The following COBL variants were observed in gnomAD, a reference collection of about 807,000 sequenced individuals.
COBL encodes the protein cordon-bleu WH2 repeat protein.
A neutral mutation model predicts 98.8 loss-of-function variants in COBL; 51 were observed. The observed-to-expected ratio is 0.52, with a 90% CI of 0.41 to 0.65. COBL has a LOEUF of 0.65. COBL is among the 30% of genes least tolerant of loss of function. COBL has a pLI of 0.00. For synonymous variants in COBL, 634 were observed against 651.7 expected, an observed-to-expected ratio of 0.97 and a Z score of 0.41; for missense variants, 1,617 against 1,617.5, an observed-to-expected ratio of 1.00 and a Z score of 0.01.
intron 2 of COBL, among the ~76,000 whole-genome samples, chr7:51,208,864 A>G (rs1026189607): frequency 1.3e-5 from 2 of 151,894 alleles, no homozygotes; most frequent in Admixed American, 6.6e-5. Flanking sequence ...TTGAAGGCAG[A>G]GTCATCACCA....
intron 6 of COBL, among the ~76,000 whole-genome samples, chr7:51,117,274 G>A (rs922475955): frequency 1.3e-5 from 2 of 151,406 alleles, no homozygotes; most frequent in African/African-American, 4.9e-5. Context: ...AAAACTTTTG[G>A]CCCTTGTTTT....
At chr7:51,283,403 A>T (rs1799979883) in intron 1 of COBL, among the ~76,000 whole-genome samples, 1 of 152,240 alleles carries the variant, frequency 6.6e-6, no homozygotes, top group Non-Finnish European at 1.5e-5. Context: ...ATTTCTCAAA[A>T]ATCACTACCA....
At chr7:51,315,101 T>C (rs1803412490) in intron 1 of COBL, among the ~76,000 whole-genome samples, 1 of 152,216 alleles carries the variant, frequency 6.6e-6, no homozygotes, top group African/African-American at 2.4e-5. Context: ...GCTCATTTAA[T>C]AGGCTATGAA....
At chr7:51,034,193 C>G (rs569194939) in intron 8 of COBL, 1 of 152,674 alleles carries the variant, frequency 6.5e-6, no homozygotes, top group African/African-American at 2.4e-5. Context: ...CACCTCTGCT[C>G]CAGCTTTGCT....
At chr7:51,186,116 A>G (rs1283955592) in intron 4 of COBL, among the ~76,000 whole-genome samples, 1 of 152,270 alleles carries the variant, frequency 6.6e-6, no homozygotes, top group East Asian at 1.9e-4. Context: ...GTACAGAGCT[A>G]TAAAGAGGAA....
rs1786124157 is a variant in COBL, at chr7:51,156,284, T to G, written c.784-19953A>C. ...ATTTTTCTTGTTGTGGTTCTTTTCC[T>G]CTTTTTTATCTCCCCATGATGTCCA... On this transcript the variant is annotated intron_variant, in intron 5 of 12. Transcript: ENST00000265136. The G allele has an allele frequency of 6.1e-6, 6 of 985,178 alleles. No homozygotes were observed. In the South Asian group the frequency reaches 2.8e-4, roughly 46 times the overall value. 61.0% of individuals were successfully genotyped at this position (985,178 alleles called of 1,614,324 possible).
intron 12 of COBL, among the ~76,000 whole-genome samples, chr7:51,020,564 T>C (rs956839105): frequency 2.6e-5 from 4 of 152,220 alleles, no homozygotes; most frequent in African/African-American, 9.6e-5. Context: ...CCTTCTGAAA[T>C]AATGCATTTA....
intron 9 of COBL, 83 bp from the exon 10 acceptor site, chr7:51,029,674 T>C (rs1787964972): frequency 8.3e-7 from 1 of 1,199,366 alleles, no homozygotes; most frequent in Non-Finnish European, 1.2e-6. Flanking sequence ...TTGATTTCCC[T>C]GAGGTTACTT....
intron 7 of COBL, among the ~76,000 whole-genome samples, chr7:51,082,467 C>G (rs1472713359): frequency 6.6e-6 from 1 of 152,178 alleles, no homozygotes; most frequent in Non-Finnish European, 1.5e-5. Flanking sequence ...CAAAGAGAGC[C>G]CCATCTCAAA....
intron 7 of COBL, among the ~76,000 whole-genome samples, chr7:51,060,768 A>G (rs1791271339): frequency 6.6e-6 from 1 of 152,216 alleles, no homozygotes; most frequent in Non-Finnish European, 1.5e-5. Context: ...AGGGGGCACA[A>G]CAATGATTCC....
chr7:51,140,454 A>G (rs910386584), intron 5 of COBL, among the ~76,000 whole-genome samples: 4 of 152,244 alleles, frequency 2.6e-5, no homozygotes, highest in Admixed American at 1.3e-4. Flanking sequence ...CCAGCTCAAA[A>G]TAAAACCAGT....
intron 1 of COBL, among the ~76,000 whole-genome samples, chr7:51,233,653 G>A (rs1027061959): frequency 2.6e-5 from 4 of 152,154 alleles, no homozygotes; most frequent in Non-Finnish European, 5.9e-5. Context: ...TCTCCACACA[G>A]CGCATAACTG....
intron 5 of COBL, among the ~76,000 whole-genome samples, chr7:51,149,600 T>C (rs1020631594): frequency 6.6e-5 from 10 of 152,186 alleles, no homozygotes; most frequent in Non-Finnish European, 1.5e-4. Flanking sequence ...TCTCAGAATG[T>C]CTTTTTGTTT....
intron 1 of COBL, among the ~76,000 whole-genome samples, chr7:51,262,271 C>T (rs977587888): frequency 1.5e-4 from 23 of 152,246 alleles, no homozygotes; most frequent in African/African-American, 5.3e-4. Flanking sequence ...ACCTGGGAAC[C>T]CCAATGTCTC....
intron 6 of COBL, among the ~76,000 whole-genome samples, chr7:51,109,784 G>A (rs1796657885): frequency 6.6e-6 from 1 of 152,172 alleles, no homozygotes; most frequent in Admixed American, 6.5e-5. Flanking sequence ...CTCGTGAGGG[G>A]AAGACAGAAA....
intron 5 of COBL, among the ~76,000 whole-genome samples, chr7:51,153,488 C>A (rs1015453573): frequency 2.3e-4 from 35 of 152,206 alleles, no homozygotes; most frequent in Non-Finnish European, 7.3e-5. Flanking sequence ...AAGCTGCCTG[C>A]AGGTATGTGT....
intron 2 of COBL, among the ~76,000 whole-genome samples, chr7:51,201,497 T>C (rs76914529): frequency 0.023 from 3,472 of 152,210 alleles, 59 homozygotes; most frequent in Non-Finnish European, 0.035. Context: ...AGCAATACAA[T>C]AATAATACAA....
intron 6 of COBL, among the ~76,000 whole-genome samples, chr7:51,110,892 A>G (rs929603495): frequency 6.6e-6 from 1 of 152,242 alleles, no homozygotes; most frequent in Non-Finnish European, 1.5e-5. Context: ...ACTGCATAGT[A>G]TTCCATCATA....
At chr7:51,043,865 C>T (rs1789440778) in intron 7 of COBL, among the ~76,000 whole-genome samples, 173 bp from the exon 8 acceptor site, 1 of 152,210 alleles carries the variant, frequency 6.6e-6, no homozygotes, top group Non-Finnish European at 1.5e-5. Context: ...CATTTTAACT[C>T]ACAGGGAGTC....
Sources: allele counts gnomAD v4.1 joint callset (sites outside exome capture counted in the v4.1 genomes callset), GRCh38; gene constraint gnomAD v4.1.1; transcripts MANE v1.5; gene names NCBI Gene and HGNC (gene_info 2026-07-23, HGNC 2026-07-21).